STARD8: variants seen among roughly 807,000 people sequenced by gnomAD.
STARD8 encodes StAR related lipid transfer domain containing 8, also known as stAR-related lipid transfer protein 8.
A neutral mutation model predicts 69.4 loss-of-function variants in STARD8; 25 were observed. That is an observed-to-expected ratio of 0.36 (90% CI 0.26 to 0.50). STARD8 has a LOEUF of 0.50. Ranked by LOEUF, STARD8 falls within the 20% of genes least tolerant of loss-of-function variation. The pLI, the probability that STARD8 is intolerant of heterozygous loss-of-function variation, is 0.96. For synonymous variants in STARD8, 389 were observed against 374.6 expected, an observed-to-expected ratio of 1.04 and a Z score of -0.45; for missense variants, 921 against 932.5, an observed-to-expected ratio of 0.99 and a Z score of 0.16.
At chrX:68,693,116 C>T (rs984947723) in intron 2 of STARD8, among the ~76,000 whole-genome samples, 5 of 112,621 alleles carry the variant, frequency 4.4e-5, no homozygotes, top group Non-Finnish European at 9.4e-5. Context: ...CATTTCTCTG[C>T]GGAGGTAGAG....
At chrX:68,709,999 C>T (rs1426419484) in intron 2 of STARD8, among the ~76,000 whole-genome samples, 1 of 112,019 alleles carries the variant, frequency 8.9e-6, no homozygotes, top group South Asian at 3.8e-4. Flanking sequence ...TGGGTTGTGA[C>T]TCCACTAGAC....
At chrX:68,697,184 TATTATCAAATAACCGGTA>T (rs2079926799) in intron 2 of STARD8, among the ~76,000 whole-genome samples, 1 of 112,470 alleles carries the variant, frequency 8.9e-6, no homozygotes, top group African/African-American at 3.2e-5. Flanking sequence ...AGTTTCTTAA[TATTATCAAATAACCGGTA>T]AGTGTTCATA....
intron 2 of STARD8, among the ~76,000 whole-genome samples, chrX:68,668,283 T>TCTCTTTCTTC (rs1569355568): frequency 4.3e-5 from 4 of 92,998 alleles, no homozygotes; most frequent in Admixed American, 3.5e-4. Flanking sequence ...TCTCTTTCTT[T>TCTCTTTCTTC]CTTTCTTTCT....
intron 2 of STARD8, chrX:68,693,951 C>A: frequency 2.0e-6 from 1 of 500,557 alleles, no homozygotes; most frequent in Non-Finnish European, 2.5e-6. Context: ...CGCCGGGCGG[C>A]GTACGCAAGA....
Position 68,653,626 on chromosome X carries a change from AC to A in STARD8, c.45+5703del, listed in dbSNP as rs759037744. ...CACACACCCCACCACACACACACAC[AC>A]CCCACACACCACACACACACCATAC... On this transcript the variant is annotated intron_variant, in intron 1 of 14. Coordinates refer to ENST00000374599, the MANE Select transcript of STARD8 (RefSeq NM_001142503.3). Among the ~76,000 whole-genome samples, 447 of 52,770 alleles carry A rather than the reference AC, an allele frequency of 8.5e-3. 6 individuals are homozygous for A. Among genetic ancestry groups the A allele is most frequent in the African/African-American group, 0.032 (426 of 13,172 alleles). The allele number at this position is 52,770 out of a possible 115,157, so 45.8% of individuals were successfully genotyped here.
chrX:68,721,922 G>T, intron 10 of STARD8, 125 bp from the exon 11 acceptor site: 1 of 798,313 alleles, frequency 1.3e-6, no homozygotes, highest in Non-Finnish European at 1.8e-6. Context: ...CTTCCAAAAG[G>T]CAGCAGGTTG....
chrX:68,698,699 C>T (rs750570982), intron 2 of STARD8, among the ~76,000 whole-genome samples: 1 of 110,760 alleles, frequency 9.0e-6, no homozygotes, highest in East Asian at 2.8e-4. Context: ...AGGAACCACC[C>T]CGTGGGCCTA....
At chrX:68,659,177 G>A (rs886498831) in intron 1 of STARD8, among the ~76,000 whole-genome samples, 3 of 112,142 alleles carry the variant, frequency 2.7e-5, no homozygotes, top group African/African-American at 9.7e-5. Flanking sequence ...GATGACCTAT[G>A]TGAAAAGGCC....
chrX:68,666,633 C>A (rs1268745126), intron 2 of STARD8, among the ~76,000 whole-genome samples: 1 of 111,942 alleles, frequency 8.9e-6, no homozygotes, highest in Non-Finnish European at 1.9e-5. Context: ...TGCTACAAAA[C>A]AAGAACTGAT....
At chrX:68,664,915 C>T (rs143678327) in intron 1 of STARD8, among the ~76,000 whole-genome samples, 1 of 111,829 alleles carries the variant, frequency 8.9e-6, no homozygotes, top group African/African-American at 3.2e-5. Flanking sequence ...CCTTTATGTA[C>T]GTTAATTTGT....
intron 7 of STARD8, 63 bp downstream of exon 7, chrX:68,719,461 G>C: frequency 9.2e-7 from 1 of 1,090,109 alleles, no homozygotes; most frequent in Non-Finnish European, 1.2e-6. Context: ...TCCCCAGGCA[G>C]GGTCAGCCCA....
intron 1 of STARD8, among the ~76,000 whole-genome samples, chrX:68,653,266 C>A (rs1602535906): frequency 1.5e-5 from 1 of 67,217 alleles, no homozygotes; most frequent in Non-Finnish European, 2.8e-5. Flanking sequence ...CCACACACAC[C>A]ACACACCACA....
intron 1 of STARD8, among the ~76,000 whole-genome samples, chrX:68,650,246 A>G (rs1319782030): frequency 1.8e-5 from 2 of 109,217 alleles, no homozygotes; most frequent in African/African-American, 6.7e-5. Context: ...CAATAATGAG[A>G]CCCTTTATGA....
rs3838387 is a variant in STARD8, at chrX:68,698,587, GGACCCAGACCCAGACCCA to G, written c.80-14296_80-14279del. On this transcript the variant is annotated intron_variant, in intron 2 of 14. Transcript: ENST00000374599. ...GTGGCACTTGGTAAGGGTCGGGCCA[GGACCCAGACCCAGACCCA>G]GACCCAGACCCAGACCCAGACCCAG... is the stretch of plus-strand genomic sequence containing the variant. Among the ~76,000 whole-genome samples the G allele has an allele frequency of 7.3e-3, 785 of 107,004 alleles. 11 individuals are homozygous for G. The highest frequency in any genetic ancestry group is 0.026 in the African/African-American group (748 of 28,575). 92.9% of individuals were successfully genotyped at this position (107,004 alleles called of 115,157 possible). A position where few individuals can be genotyped will look rare whatever the true frequency, so the allele number is the denominator to read the frequency against.
rs911459617 is a variant in STARD8 at position 68,720,972 on chromosome X, C to T, written c.2098C>T (p.Arg700Cys). The T allele has an allele frequency of 2.5e-6, 3 of 1,211,560 alleles. No individual in the cohort carries two copies. The highest frequency in any genetic ancestry group is 2.2e-5 in the Admixed American group (1 of 46,040). Residue 700 changes from arginine (R) to cysteine (C), a missense_variant, in exon 9 of 15, where the codon CGT (arginine) becomes TGT (cysteine). Physicochemically the swap from Arg to Cys is radical, Grantham distance 180 (BLOSUM62 -3). Coordinates refer to ENST00000374599, the MANE Select transcript of STARD8 (RefSeq NM_001142503.3). ...SGVKSRIQNL[R>C]QMNETSPDNV... Reference sequence around the variant, plus strand: ...GGTCAAGTCCAGGATCCAGAACCTGCGTCAAATGAATGAGACCTCGCCTGA... The same window carrying T: ...GGTCAAGTCCAGGATCCAGAACCTGTGTCAAATGAATGAGACCTCGCCTGA...
At chrX:68,714,364 C>G (rs182761246) in intron 3 of STARD8, among the ~76,000 whole-genome samples, 8 of 112,463 alleles carry the variant, frequency 7.1e-5, no homozygotes, top group East Asian at 2.8e-4. Context: ...CTCTTCAGAG[C>G]CTTGATGCTG....
At chrX:68,697,708 G>C (rs933094853) in intron 2 of STARD8, among the ~76,000 whole-genome samples, 5 of 112,292 alleles carry the variant, frequency 4.5e-5, no homozygotes, top group Non-Finnish European at 9.4e-5. Context: ...AACCCTCACT[G>C]TCTCTCTTTT....
Position 68,665,530 on chromosome X carries a change from CT to C in STARD8, c.78del (p.Glu27LysfsTer35), listed in dbSNP as rs1328675486. 9.1e-6 allele frequency: 11 copies of C among 1,206,690 alleles called. 1 individual carries two copies. The highest frequency in any genetic ancestry group is 1.2e-5 in the Non-Finnish European group (11 of 893,570). On this transcript the variant is annotated frameshift_variant and splice_region_variant, in exon 2 of 15. Transcript: ENST00000374599. LOFTEE classifies it high-confidence loss of function. ...CFPLLQVKKN[A>X]EAEAKRACEW... Reference sequence around the variant, plus strand: ...CCATTGCTGCAGGTGAAGAAGAACGCTGGTAAGTACACGAGGTGGGCATTGC... The same window carrying C: ...CCATTGCTGCAGGTGAAGAAGAACGCGGTAAGTACACGAGGTGGGCATTGC...
rs150517537 is a variant in STARD8, at chrX:68,710,747, G to A, written c.80-2167G>A. On this transcript the variant is annotated intron_variant, in intron 2 of 14. Transcript: ENST00000374599. ...CTAGAGATTTGCTCCCTTTCCTGGG[G>A]TGGCCATACTTGTGACCCTTTAGGG... Among the ~76,000 whole-genome samples, 569 of 112,372 alleles carry A rather than the reference G, an allele frequency of 5.1e-3. 3 individuals carry two copies. Among genetic ancestry groups the A allele is most frequent in the African/African-American group, 0.016 (509 of 30,912 alleles).
Sources: gnomAD v4.1 joint callset for allele counts (sites outside exome capture counted in the v4.1 genomes callset) on GRCh38, gnomAD v4.1.1 for gene constraint, MANE v1.5 for transcripts, NCBI Gene and HGNC (gene_info 2026-07-23, HGNC 2026-07-21) for gene names.